CSDE1: variants seen among roughly 807,000 people sequenced by gnomAD.
CSDE1 encodes the protein cold shock domain-containing protein E1.
In CSDE1, 17 loss-of-function variants were observed where a neutral mutation model predicts 89.3. The observed-to-expected ratio is 0.19, with a 90% CI of 0.13 to 0.29. CSDE1 has a LOEUF of 0.29. CSDE1 is among the 10% of genes least tolerant of loss of function. The pLI is 1.00. For missense variants in CSDE1, 672 were observed against 984.2 expected, an observed-to-expected ratio of 0.68 and a Z score of 4.24; for synonymous variants, 322 against 332.8, an observed-to-expected ratio of 0.97 and a Z score of 0.35.
rs774402818 is a variant in CSDE1 at position 114,738,007 on chromosome 1, T to G, written c.265A>C (p.Lys89Gln). The G allele has an allele frequency of 6.2e-7, 1 of 1,614,060 alleles. No homozygotes were observed. Among genetic ancestry groups the G allele is most frequent in the Admixed American group, 1.7e-5 (1 of 60,026 alleles). Residue 89 changes from lysine to glutamine, a missense_variant, in exon 4 of 20, where the codon AAG becomes CAG. Physicochemically the swap from Lys to Gln is moderately conservative, Grantham distance 53 (BLOSUM62 1). Transcript: ENST00000358528. ...TCAGGGAGGATTTCTTGTTTTATCT[T>G]CACCAGTTTAACAGCAATGGGTTTC... ...TGKPIAVKLV[K>Q]IKQEILPEER...
chr1:114,742,497 G>C (rs1315948352), intron 2 of CSDE1, among the ~76,000 whole-genome samples: 1 of 152,124 alleles, frequency 6.6e-6, no homozygotes, highest in African/African-American at 2.4e-5. Flanking sequence ...CATGAGAATT[G>C]CTTGAACCCA....
intron 5 of CSDE1, among the ~76,000 whole-genome samples, chr1:114,737,078 G>A (rs1660445734): frequency 6.6e-6 from 1 of 151,960 alleles, no homozygotes; most frequent in African/African-American, 2.4e-5. Flanking sequence ...ACTTCAAAAA[G>A]CTTACACACG....
At chr1:114,727,522 A>G (rs1659859647) in intron 12 of CSDE1, among the ~76,000 whole-genome samples, 1 of 152,220 alleles carries the variant, frequency 6.6e-6, no homozygotes, top group Admixed American at 6.5e-5. Context: ...TTTAATATAT[A>G]ATGTCAATCA....
At chr1:114,734,595 A>C in intron 6 of CSDE1, 72 bp from the exon 7 acceptor site, 1 of 1,177,140 alleles carries the variant, frequency 8.5e-7, no homozygotes, top group Non-Finnish European at 1.2e-6. Context: ...CTTAGATATG[A>C]GTCTAAAGAA....
chr1:114,740,287 G>C (rs1028119174), intron 2 of CSDE1, among the ~76,000 whole-genome samples: 3 of 152,136 alleles, frequency 2.0e-5, no homozygotes, highest in Non-Finnish European at 4.4e-5. Flanking sequence ...TAAGAGATTT[G>C]GTAACGCTAT....
At chr1:114,736,706 G>T in intron 6 of CSDE1, 52 bp downstream of exon 6, 1 of 1,112,266 alleles carries the variant, frequency 9.0e-7, no homozygotes, top group Non-Finnish European at 1.3e-6. Context: ...TCTTAATGGA[G>T]GGGGGAAAAA....
At position 114,736,437 on chromosome 1, in the gene CSDE1, T is replaced by C. The variant is rs561415440; in HGVS notation, c.500+321A>G. On this transcript the variant is annotated intron_variant, in intron 6 of 19. Transcript: ENST00000358528. Reference sequence around the variant, plus strand: ...CATGTCATGATACTTCTAATCATAATGCTTTTTTCTCACCTCTCTATAGTG... The same window carrying C: ...CATGTCATGATACTTCTAATCATAACGCTTTTTTCTCACCTCTCTATAGTG... Among the ~76,000 whole-genome samples, 103 of 152,346 alleles carry C rather than the reference T, an allele frequency of 6.8e-4. 1 individual carries two copies. The highest frequency in any genetic ancestry group is 3.4e-3 in the Middle Eastern group (1 of 294).
intron 2 of CSDE1, among the ~76,000 whole-genome samples, chr1:114,742,856 T>G (rs971328333): frequency 2.0e-5 from 3 of 152,208 alleles, no homozygotes; most frequent in Non-Finnish European, 4.4e-5. Context: ...TTATAAAGCT[T>G]TTTAAAATTA....
At chr1:114,741,626 G>A (rs903810568) in intron 2 of CSDE1, 1 of 1,548,656 alleles carries the variant, frequency 6.5e-7, no homozygotes, top group Non-Finnish European at 8.7e-7. Context: ...CTGCAGGAGA[G>A]GGATGAGGAT....
chr1:114,746,564 T>C (rs1369326619), intron 2 of CSDE1: 1 of 152,040 alleles, frequency 6.6e-6, no homozygotes, highest in Non-Finnish European at 1.5e-5. Flanking sequence ...TCTCACAGAG[T>C]TGTTGAGATG....
At chr1:114,748,620 C>A (rs2101080693) in intron 2 of CSDE1, among the ~76,000 whole-genome samples, 1 of 152,310 alleles carries the variant, frequency 6.6e-6, no homozygotes, top group African/African-American at 2.4e-5. Flanking sequence ...CTAGTTTGCA[C>A]AACTGGATTT....
At chr1:114,726,529 A>AC (rs1222964746) in intron 13 of CSDE1, 143 bp from the exon 14 acceptor site, 1 of 645,212 alleles carries the variant, frequency 1.5e-6, no homozygotes, top group African/African-American at 1.9e-5. Context: ...ATTGATTTTC[A>AC]CCAAAACATT....
intron 6 of CSDE1, among the ~76,000 whole-genome samples, 180 bp from the exon 7 acceptor site, chr1:114,734,703 C>T (rs2101044155): frequency 6.6e-6 from 1 of 152,296 alleles, no homozygotes; most frequent in East Asian, 1.9e-4. Flanking sequence ...ATGCAAAGGA[C>T]TTTAACTCCT....
At chr1:114,728,627 A>T (rs1659931761) in intron 12 of CSDE1, among the ~76,000 whole-genome samples, 1 of 152,234 alleles carries the variant, frequency 6.6e-6, no homozygotes. Flanking sequence ...AGAGCATTCC[A>T]AGAATTAAAA....
intron 2 of CSDE1, among the ~76,000 whole-genome samples, chr1:114,741,974 T>A (rs1660750390): frequency 6.6e-6 from 1 of 152,212 alleles, no homozygotes; most frequent in South Asian, 2.1e-4. Context: ...ACCTATCATT[T>A]TTAGTCACTA....
rs1316642109 is a variant in CSDE1, at chr1:114,717,714, C to T, written c.*455G>A. ...CCTCATATGGTCCTCAGAATTAAAG[C>T]ATAATGAACAGGAAGAAAAAGGAAA... On this transcript the variant is annotated 3_prime_UTR_variant, in exon 20 of 20. Coordinates refer to ENST00000358528, the MANE Select transcript of CSDE1 (RefSeq NM_001007553.3). 1 of 156,522 alleles carries T rather than the reference C, an allele frequency of 6.4e-6. No homozygotes were observed. The highest frequency in any genetic ancestry group is 1.9e-4 in the East Asian group (1 of 5,312). 9.7% of individuals were successfully genotyped at this position (156,522 alleles called of 1,614,324 possible).
intron 12 of CSDE1, chr1:114,727,834 C>T (rs896766264): frequency 2.6e-5 from 4 of 152,180 alleles, no homozygotes; most frequent in Admixed American, 6.5e-5. Context: ...AAATAAAAGT[C>T]TAAGAAAGTT....
intron 2 of CSDE1, among the ~76,000 whole-genome samples, chr1:114,742,712 A>G (rs1366054696): frequency 6.6e-6 from 1 of 152,206 alleles, no homozygotes; most frequent in Non-Finnish European, 1.5e-5. Context: ...TAGTTCTTCA[A>G]CCTCCACATT....
At chr1:114,724,061 A>C in intron 15 of CSDE1, 59 bp from the exon 16 acceptor site, 1 of 1,550,844 alleles carries the variant, frequency 6.4e-7, no homozygotes, top group East Asian at 2.3e-5. Context: ...ACATAGAAAG[A>C]CAAGTAAGCA....
Sources: gnomAD v4.1 joint callset for allele counts (sites outside exome capture counted in the v4.1 genomes callset) on GRCh38, gnomAD v4.1.1 for gene constraint, MANE v1.5 for transcripts, NCBI Gene and HGNC (gene_info 2026-07-23, HGNC 2026-07-21) for gene names.